Variants in MYCBP2 observed in about 807,000 individuals in gnomAD.
MYCBP2 encodes the protein MYC binding protein 2, also known as E3 ubiquitin-protein ligase MYCBP2.
In MYCBP2, 120 loss-of-function variants were observed where a neutral mutation model predicts 525.3. The ratio of observed to expected loss-of-function variants is 0.23; its 90% CI spans 0.20 to 0.27. The LOEUF (loss-of-function observed/expected upper bound fraction) is 0.27, where lower values mean the gene tolerates loss of function less well. Among genes scored for constraint, MYCBP2 ranks in the 10% least tolerant of loss-of-function variants. The pLI is 1.00. For synonymous variants in MYCBP2, 1,894 were observed against 1,955.8 expected (o/e 0.97, Z 0.83); for missense variants, 4,149 against 5,657.1 (o/e 0.73, Z 8.55).
intron 47 of MYCBP2, among the ~76,000 whole-genome samples, chr13:77,150,199 G>A (rs1290476826): frequency 6.6e-6 from 1 of 152,206 alleles, no homozygotes; most frequent in African/African-American, 2.4e-5. Context: ...TCTGGCATTT[G>A]AGAGAACCCA....
chr13:77,057,702 A>G (rs994006953), intron 78 of MYCBP2, among the ~76,000 whole-genome samples: 9 of 152,190 alleles, frequency 5.9e-5, no homozygotes, highest in Admixed American at 2.0e-4. Flanking sequence ...CACAAATCAC[A>G]AATTAAAGCT....
chr13:77,268,088 A>T, intron 7 of MYCBP2, 151 bp from the exon 8 acceptor site: 3 of 584,598 alleles, frequency 5.1e-6, no homozygotes, highest in South Asian at 4.6e-5. Flanking sequence ...ATATAAGAAC[A>T]TTCCTCTCAA....
Position 77,298,035 on chromosome 13 carries a change from A to G in MYCBP2, c.303-1361T>C, listed in dbSNP as rs545481568. Among the ~76,000 whole-genome samples, 3 of 152,312 alleles carry G rather than the reference A, an allele frequency of 2.0e-5. 1 individual carries two copies. The highest frequency in any genetic ancestry group is 7.2e-5 in the African/African-American group (3 of 41,562). On this transcript the variant is annotated intron_variant, in intron 1 of 82. Transcript: ENST00000544440. The stretch of plus-strand genomic sequence containing the variant: ...CAGCTTAAAAATCAGTATCTTCTCA[A>G]TTCTCTTAAGATAAAGTCCAAAAGC...
intron 5 of MYCBP2, among the ~76,000 whole-genome samples, chr13:77,271,757 A>C (rs2074928818): frequency 6.6e-6 from 1 of 152,144 alleles, no homozygotes; most frequent in Non-Finnish European, 1.5e-5. Flanking sequence ...TGGAACTATA[A>C]ATCCATTAAA....
intron 55 of MYCBP2, among the ~76,000 whole-genome samples, chr13:77,109,017 A>G (rs935772393): frequency 1.3e-5 from 2 of 152,166 alleles, no homozygotes; most frequent in African/African-American, 4.8e-5. Context: ...TTAAAGTACT[A>G]TTTGGAGAAA....
chr13:77,055,417 T>C (rs755897510), intron 80 of MYCBP2, 141 bp downstream of exon 80: 6 of 735,716 alleles, frequency 8.2e-6, no homozygotes, highest in African/African-American at 1.8e-5. Context: ...ACTGGAAACA[T>C]TGGGAAACAT....
chr13:77,113,831 GT>G (rs1566579369), intron 55 of MYCBP2, among the ~76,000 whole-genome samples: 1 of 152,128 alleles, frequency 6.6e-6, no homozygotes, highest in Non-Finnish European at 1.5e-5. Flanking sequence ...TGCTGGAGAT[GT>G]TAGCCCCAAA....
At chr13:77,064,495 T>A in intron 73 of MYCBP2, 120 bp downstream of exon 73, 1 of 1,149,182 alleles carries the variant, frequency 8.7e-7, no homozygotes, top group Admixed American at 2.8e-5. Context: ...AAATACGGTA[T>A]TTGGTTAAAA....
rs111730591 is a variant in MYCBP2, at chr13:77,284,237, G to GA, written c.594+3923dup. ...TAAAAACTGTCTTAATCATGTTAAG[G>GA]AAAAAAAAAAAAGAGTACAAGAAAC... On this transcript the variant is annotated intron_variant, in intron 3 of 82. Transcript: ENST00000544440. 1.4e-3 allele frequency among the ~76,000 whole-genome samples: 202 copies of GA among 140,930 alleles called. 1 individual carries two copies. The highest frequency in any genetic ancestry group is 3.9e-3 in the African/African-American group (149 of 38,652). The allele number at this position is 140,930 out of a possible 152,430, so 92.5% of individuals were successfully genotyped here.
chr13:77,276,641 T>C (rs2075617382), intron 4 of MYCBP2, among the ~76,000 whole-genome samples: 1 of 151,812 alleles, frequency 6.6e-6, no homozygotes, highest in African/African-American at 2.4e-5. Flanking sequence ...TGAAATATTT[T>C]TGGGTTTTGT....
rs1215346303 is a variant in MYCBP2 at position 77,150,716 on chromosome 13, ATAAG to A, written c.7131+14_7131+17del. 1.3e-6 allele frequency: 2 copies of A among 1,598,770 alleles called. No individual in the cohort carries two copies. The highest frequency in any genetic ancestry group is 2.7e-5 in the African/African-American group (2 of 74,322). On this transcript the variant is annotated intron_variant, in intron 47 of 82. Transcript: ENST00000544440. ...AATGCTGAAAACTAAAATTTTTCTG[ATAAG>A]TAAAATAAATTACCTTCATCATTGT...
At chr13:77,116,449 A>T (rs1445313067) in intron 55 of MYCBP2, among the ~76,000 whole-genome samples, 3 of 151,998 alleles carry the variant, frequency 2.0e-5, no homozygotes, top group Non-Finnish European at 4.4e-5. Flanking sequence ...TAAAAAATAC[A>T]ATTCTGAATT....
chr13:77,111,884 G>T (rs1692383846), intron 55 of MYCBP2, among the ~76,000 whole-genome samples: 1 of 152,022 alleles, frequency 6.6e-6, no homozygotes, highest in Non-Finnish European at 1.5e-5. Flanking sequence ...TGCACATAAA[G>T]TCTAAACTAA....
In MYCBP2 at chr13:77,087,069, CTT is replaced by C. The variant is rs200949024; in HGVS notation, c.10875+413_10875+414del. Among the ~76,000 whole-genome samples the C allele has an allele frequency of 1.1e-3, 162 of 152,120 alleles. No individual in the cohort carries two copies. In the East Asian group the frequency reaches 0.02, roughly 18 times the overall value. ...TTTTGTTAGTTCTTGCTCATGGTGT[CTT>C]GTTTGTGAGTTTTAAGAATTTGACT... On this transcript the variant is annotated intron_variant, in intron 62 of 82. Coordinates refer to ENST00000544440, the MANE Select transcript of MYCBP2 (RefSeq NM_015057.5).
At chr13:77,317,686 C>G (rs913365621) in intron 1 of MYCBP2, among the ~76,000 whole-genome samples, 1 of 152,128 alleles carries the variant, frequency 6.6e-6, no homozygotes, top group Non-Finnish European at 1.5e-5. Flanking sequence ...CGCCTGTAAT[C>G]CCAGCACTTT....
chr13:77,111,821 T>A (rs1447463009), intron 55 of MYCBP2, among the ~76,000 whole-genome samples: 1 of 152,176 alleles, frequency 6.6e-6, no homozygotes, highest in East Asian at 1.9e-4. Context: ...TCACTCTTTT[T>A]ATTTAAAATT....
intron 15 of MYCBP2, among the ~76,000 whole-genome samples, chr13:77,246,400 A>T (rs1567038621): frequency 6.6e-6 from 1 of 152,112 alleles, no homozygotes; most frequent in African/African-American, 2.4e-5. Context: ...AGAGAACAAG[A>T]ATTCATTCTT....
intron 5 of MYCBP2, among the ~76,000 whole-genome samples, chr13:77,270,792 T>C (rs1429228920): frequency 6.6e-6 from 1 of 152,178 alleles, no homozygotes; most frequent in African/African-American, 2.4e-5. Flanking sequence ...TCAAGTACTC[T>C]ATCTCCACAA....
intron 15 of MYCBP2, among the ~76,000 whole-genome samples, chr13:77,249,000 T>C (rs901846285): frequency 2.0e-5 from 3 of 152,184 alleles, no homozygotes; most frequent in Non-Finnish European, 2.9e-5. Context: ...CTAAGTGAAA[T>C]AAGCCAGTCA....
Sources: allele counts gnomAD v4.1 joint callset (sites outside exome capture counted in the v4.1 genomes callset), GRCh38; gene constraint gnomAD v4.1.1; transcripts MANE v1.5; gene names NCBI Gene and HGNC (gene_info 2026-07-23, HGNC 2026-07-21).